MDGA2: variants seen among roughly 807,000 people sequenced by gnomAD.
MDGA2 encodes MAM domain containing glycosylphosphatidylinositol anchor 2.
In MDGA2, 40 loss-of-function variants were observed where a neutral mutation model predicts 117.8. That is an observed-to-expected ratio of 0.34 (90% CI 0.26 to 0.44). The LOEUF is 0.44. Among genes scored for constraint, MDGA2 ranks in the 20% least tolerant of loss-of-function variants. The pLI is 1.00. For synonymous variants in MDGA2, 452 were observed against 439.0 expected, an observed-to-expected ratio of 1.03 and a Z score of -0.37; for missense variants, 1,123 against 1,250.6, an observed-to-expected ratio of 0.90 and a Z score of 1.54.
chr14:46,916,524 C>T (rs775740204), intron 10 of MDGA2, among the ~76,000 whole-genome samples: 5 of 151,874 alleles, frequency 3.3e-5, no homozygotes, highest in Non-Finnish European at 7.4e-5. Context: ...ATCTAGAATA[C>T]TTTTGCCCTA....
chr14:47,348,125 T>C (rs1890797466), intron 1 of MDGA2, among the ~76,000 whole-genome samples: 1 of 150,480 alleles, frequency 6.6e-6, no homozygotes, highest in Non-Finnish European at 1.5e-5. Context: ...AAGAAAATAA[T>C]TGTATTGTGC....
chr14:46,933,840 A>ATATATATATT, intron 9 of MDGA2, among the ~76,000 whole-genome samples: 1 of 74,760 alleles, frequency 1.3e-5, no homozygotes, highest in Middle Eastern at 6.8e-3. Context: ...ATATATATAT[A>ATATATATATT]TATATATATA....
intron 3 of MDGA2, among the ~76,000 whole-genome samples, chr14:47,159,277 T>G (rs754334753): frequency 2.0e-5 from 3 of 152,118 alleles, no homozygotes; most frequent in African/African-American, 4.8e-5. Context: ...GGGTTGTGCA[T>G]GCATGGAGGA....
intron 2 of MDGA2, among the ~76,000 whole-genome samples, chr14:47,268,714 G>A (rs1351933214): frequency 6.6e-6 from 1 of 152,094 alleles, no homozygotes; most frequent in Non-Finnish European, 1.5e-5. Flanking sequence ...AGTTTGGGTT[G>A]CACAGTTATG....
At chr14:47,423,554 G>C (rs986373215) in intron 1 of MDGA2, among the ~76,000 whole-genome samples, 1 of 91,922 alleles carries the variant, frequency 1.1e-5, no homozygotes, top group Admixed American at 1.2e-4. Context: ...CTATCCCCAC[G>C]CCTGTGTGTG....
chr14:47,529,139 C>G (rs1895038570), intron 1 of MDGA2, among the ~76,000 whole-genome samples: 1 of 152,032 alleles, frequency 6.6e-6, no homozygotes, highest in South Asian at 2.1e-4. Flanking sequence ...GCTGGGACTA[C>G]AGATGCCCGC....
At chr14:47,473,128 T>C (rs961472524) in intron 1 of MDGA2, among the ~76,000 whole-genome samples, 2 of 151,932 alleles carry the variant, frequency 1.3e-5, no homozygotes, top group East Asian at 1.9e-4. Flanking sequence ...TGAGGATAAA[T>C]AGAAGGATAT....
intron 1 of MDGA2, among the ~76,000 whole-genome samples, chr14:47,414,620 C>T (rs909879041): frequency 6.6e-6 from 1 of 152,056 alleles, no homozygotes; most frequent in Non-Finnish European, 1.5e-5. Flanking sequence ...CAGAGCTCTA[C>T]AAAAATGCTA....
chr14:46,927,676 G>T (rs1884383553), intron 9 of MDGA2, among the ~76,000 whole-genome samples: 1 of 152,148 alleles, frequency 6.6e-6, no homozygotes, highest in African/African-American at 2.4e-5. Flanking sequence ...AATCATTTAG[G>T]TAAAGCGCGT....
intron 7 of MDGA2, chr14:47,058,944 G>T: frequency 1.0e-6 from 1 of 966,388 alleles, no homozygotes; most frequent in Non-Finnish European, 1.2e-6. Context: ...TTTGAACAAG[G>T]GGCATGCATT....
intron 6 of MDGA2, among the ~76,000 whole-genome samples, chr14:47,083,340 T>G (rs1057226133): frequency 3.3e-5 from 5 of 149,838 alleles, no homozygotes; most frequent in Non-Finnish European, 7.4e-5. Context: ...CCTAGGGGGG[T>G]GGGGTGGAAG....
chr14:47,485,392 A>G (rs2103831), intron 1 of MDGA2, among the ~76,000 whole-genome samples: 64,337 of 151,976 alleles, frequency 0.42, 14,343 homozygotes, highest in East Asian at 0.61. Flanking sequence ...TTAAGAGGTA[A>G]CTTGACTACT....
intron 2 of MDGA2, among the ~76,000 whole-genome samples, chr14:47,266,138 C>T (rs2139687022): frequency 6.6e-6 from 1 of 152,216 alleles, no homozygotes; most frequent in African/African-American, 2.4e-5. Flanking sequence ...GACTAAGTAA[C>T]TAGCCCAAAT....
In MDGA2 at chr14:46,845,779, G is replaced by A. The variant is rs555954358; in HGVS notation, c.2976C>T (p.Asp992=). Residue 992 remains aspartate (D), a synonymous_variant, in exon 16 of 17, where the codon GAC becomes GAT. Transcript: ENST00000399232. ...AAAGATACTTACTCTTAGTTGCTAG[G>A]TCTTGTTTTGCACATTCTCCTTCTG... ...SIAEGECAKQ[D]LATKNSVDGA... The A allele has an allele frequency of 2.5e-6, 4 of 1,610,328 alleles. No homozygotes were observed. The highest frequency in any genetic ancestry group is 3.4e-6 in the Non-Finnish European group (4 of 1,177,038).
chr14:47,343,171 T>A (rs7161720), intron 1 of MDGA2: 19,194 of 1,157,034 alleles, frequency 0.017, 775 homozygotes, highest in East Asian at 0.13. Context: ...TTTCCACTTA[T>A]CATTCTGGTA....
chr14:47,093,866 T>C (rs1879811289), intron 6 of MDGA2, among the ~76,000 whole-genome samples: 1 of 152,108 alleles, frequency 6.6e-6, no homozygotes, highest in South Asian at 2.1e-4. Context: ...AAAATATCTT[T>C]ATGCTTACTC....
intron 3 of MDGA2, among the ~76,000 whole-genome samples, chr14:47,201,666 C>T (rs1223393912): frequency 1.3e-5 from 2 of 152,202 alleles, no homozygotes; most frequent in East Asian, 3.8e-4. Flanking sequence ...ACAACACATA[C>T]GAACTCTTTC....
At chr14:47,433,395 A>T (rs1039221652) in intron 1 of MDGA2, among the ~76,000 whole-genome samples, 2 of 152,094 alleles carry the variant, frequency 1.3e-5, no homozygotes, top group African/African-American at 4.8e-5. Flanking sequence ...CTACACTTTG[A>T]TTACCAAAAC....
At chr14:46,889,813 G>A (rs1172163358) in intron 10 of MDGA2, among the ~76,000 whole-genome samples, 1 of 152,042 alleles carries the variant, frequency 6.6e-6, no homozygotes, top group Non-Finnish European at 1.5e-5. Flanking sequence ...GCTCCCCCAA[G>A]TGGGACCCAG....
Sources: gnomAD v4.1 joint callset for allele counts (sites outside exome capture counted in the v4.1 genomes callset) on GRCh38, gnomAD v4.1.1 for gene constraint, MANE v1.5 for transcripts, NCBI Gene and HGNC (gene_info 2026-07-23, HGNC 2026-07-21) for gene names.